Variants in GLI3 observed in about 807,000 individuals in gnomAD.
GLI3 encodes the protein GLI family zinc finger 3.
A neutral mutation model predicts 100.8 loss-of-function variants in GLI3; 20 were observed. The ratio of observed to expected loss-of-function variants is 0.20; its 90% confidence interval spans 0.14 to 0.29. The LOEUF is 0.29. Among genes scored for constraint, GLI3 ranks in the 10% least tolerant of loss-of-function variants. The pLI is 1.00. For synonymous variants in GLI3, 938 were observed against 860.5 expected (o/e 1.09, Z -1.58); for missense variants, 2,040 against 2,128.5 (o/e 0.96, Z 0.82).
At chr7:42,180,318 C>T (rs117758526) in intron 2 of GLI3, among the ~76,000 whole-genome samples, 4,965 of 152,276 alleles carry the variant, frequency 0.033, 110 homozygotes, top group Non-Finnish European at 0.049. Flanking sequence ...TTTTGTGGAA[C>T]AAGTGACTGG....
At chr7:42,116,686 G>C (rs1019148985) in intron 3 of GLI3, among the ~76,000 whole-genome samples, 1 of 152,032 alleles carries the variant, frequency 6.6e-6, no homozygotes, top group African/African-American at 2.4e-5. Context: ...AATCAAATTA[G>C]GTTTGCCTCA....
intron 3 of GLI3, among the ~76,000 whole-genome samples, chr7:42,138,058 C>A (rs1480536855): frequency 6.6e-6 from 1 of 152,168 alleles, no homozygotes; most frequent in Non-Finnish European, 1.5e-5. Context: ...TCTCTTCTGG[C>A]TGGTATGTCA....
At chr7:42,084,095 A>G (rs941218775) in intron 3 of GLI3, among the ~76,000 whole-genome samples, 5 of 152,196 alleles carry the variant, frequency 3.3e-5, no homozygotes, top group African/African-American at 9.7e-5. Context: ...CCACTACTCA[A>G]ATAACAAGCT....
rs531374234 is a variant in GLI3, at chr7:42,252,242, C to G, written c.-43+11752G>C. 2.6e-5 allele frequency among the ~76,000 whole-genome samples: 4 copies of G among 152,216 alleles called. No homozygotes were observed. In the East Asian group the frequency reaches 7.7e-4, roughly 29 times the overall value. On this transcript the variant is annotated intron_variant, in intron 1 of 2. Transcript: ENST00000678978. Reference sequence around the variant, plus strand: ...TATTCTTAGCAAACTAATGCAGGAACAGCAAACCAAATACCGTATGTTCTC... The same window carrying G: ...TATTCTTAGCAAACTAATGCAGGAAGAGCAAACCAAATACCGTATGTTCTC...
At position 41,972,337 on chromosome 7, in the gene GLI3, C is replaced by A; in HGVS notation, c.2103G>T (p.Met701Ile). 1 of 1,613,566 alleles carries A rather than the reference C, an allele frequency of 6.2e-7. No individual in the cohort carries two copies. Among genetic ancestry groups the A allele is most frequent in the South Asian group, 1.1e-5 (1 of 91,040 alleles). Residue 701 changes from methionine to isoleucine, a missense_variant and splice_region_variant, in exon 13 of 15, where the codon ATG (methionine) becomes ATT (isoleucine). By Grantham distance (10) the Met-to-Ile change is conservative (BLOSUM62 1). Transcript: ENST00000395925. This position sits in a 1 kb window ranked among gnomAD's most constrained non-coding sequence, Gnocchi z 4.4. ...GTCAGAAGGAGAGTGAATGACATACCATTGGCTTCTCTGCCTTGACGGTTT... is the reference window on the plus strand; with the variant it reads ...GTCAGAAGGAGAGTGAATGACATACAATTGGCTTCTCTGCCTTGACGGTTT... The part of the protein sequence containing the change: ...QVKTVKAEKP[M>I]TSQPSPGGQS...
In GLI3 at chr7:41,972,187, G is replaced by A. The variant is rs1178050966; in HGVS notation, c.2103+150C>T. The A allele has an allele frequency of 7.7e-6, 6 of 781,650 alleles. No individual in the cohort carries two copies. Among genetic ancestry groups the A allele is most frequent in the South Asian group, 2.8e-5 (2 of 70,374 alleles). The allele number at this position is 781,650 out of a possible 1,614,324, so 48.4% of individuals were successfully genotyped here. ...CTTTTTCTGAGCTGATCGACTTCAC[G>A]TAAGCAATACGGGTCACTGCCCTCA... On this transcript the variant is annotated intron_variant, in intron 13 of 14. Transcript: ENST00000395925. This position sits in a 1 kb window ranked among gnomAD's most constrained non-coding sequence, Gnocchi z 4.4.
chr7:42,252,285 A>T (rs1789040955), intron 1 of GLI3, among the ~76,000 whole-genome samples: 1 of 152,180 alleles, frequency 6.6e-6, no homozygotes, highest in Admixed American at 6.5e-5. Context: ...AGTGGGAGCT[A>T]AACAGTGAGA....
At chr7:42,021,254 TA>T (rs2128729749) in intron 10 of GLI3, among the ~76,000 whole-genome samples, 1 of 152,364 alleles carries the variant, frequency 6.6e-6, no homozygotes, top group African/African-American at 2.4e-5. Flanking sequence ...TATCTCAGAC[TA>T]AAATTAATAT....
intron 3 of GLI3, among the ~76,000 whole-genome samples, chr7:42,085,885 G>C (rs1359804387): frequency 6.6e-6 from 1 of 152,200 alleles, no homozygotes; most frequent in Non-Finnish European, 1.5e-5. Context: ...ATATTTGGAA[G>C]TCTCTGGAAG....
intron 4 of GLI3, among the ~76,000 whole-genome samples, chr7:42,069,159 G>C (rs928592117): frequency 2.0e-5 from 3 of 152,222 alleles, no homozygotes; most frequent in South Asian, 2.1e-4. Context: ...AAAGAACACA[G>C]GAATTTTATC....
At chr7:41,996,684 T>C (rs1399739303) in intron 10 of GLI3, among the ~76,000 whole-genome samples, 1 of 152,218 alleles carries the variant, frequency 6.6e-6, no homozygotes, top group African/African-American at 2.4e-5. Flanking sequence ...ACAATGCTTT[T>C]AATCGCTGAC....
At position 41,965,713 on chromosome 7, in the gene GLI3, G is replaced by A; in HGVS notation, c.3360C>T (p.Ser1120=). 1.2e-6 allele frequency: 2 copies of A among 1,613,752 alleles called. No individual in the cohort carries two copies. Among genetic ancestry groups the A allele is most frequent in the African/African-American group, 1.3e-5 (1 of 75,008 alleles). ...AGTCACCGGGCCCGTGGGGCACTTT[G>A]CTGTCGTCCGGGAGGGCGCTGGGGA... ...QHFPSALPDD[S]KVPHGPGDFD... The change falls in exon 15 of 15, where the codon AGC becomes AGT. Residue 1120 remains serine, a synonymous_variant. Transcript: ENST00000395925.
At chr7:42,002,745 G>T (rs1002253874) in intron 10 of GLI3, among the ~76,000 whole-genome samples, 1 of 152,184 alleles carries the variant, frequency 6.6e-6, no homozygotes, top group African/African-American at 2.4e-5. Context: ...GGGGCTATAA[G>T]AAATCATAGC....
Position 42,229,672 on chromosome 7 carries a change from C to T in GLI3, c.-42-6377G>A, listed in dbSNP as rs149098089. Among the ~76,000 whole-genome samples the T allele has an allele frequency of 8.1e-3, 1,238 of 152,256 alleles. 6 individuals are homozygous for T. The highest frequency in any genetic ancestry group is 0.012 in the Non-Finnish European group (814 of 68,012). ...AACTGCTACTTCAAGATGCTACTCC[C>T]GGATTAACCATCCAGGTAAAACTAC... On this transcript the variant is annotated intron_variant, in intron 1 of 14. Transcript: ENST00000395925.
At chr7:42,174,041 A>T (rs1562771686) in intron 2 of GLI3, among the ~76,000 whole-genome samples, 1 of 152,182 alleles carries the variant, frequency 6.6e-6, no homozygotes, top group Admixed American at 6.5e-5. Flanking sequence ...AGCTGGTGAT[A>T]TTTGATTTTC....
At position 42,148,414 on chromosome 7, in the gene GLI3, A is replaced by G. The variant is rs771410208; in HGVS notation, c.179T>C (p.Met60Thr). ...GAGCCCCTGGACATTCTGTGGCTGC[A>G]TAGTGATTGCGTTTCTTCTCTCTCT... ...YHRERRNAIT[M>T]QPQNVQGLSK... Residue 60 changes from methionine (M) to threonine (T), a missense_variant, in exon 3 of 15, where the codon ATG becomes ACG. Around this residue, in one of 5 missense-constraint regions of GLI3, gnomAD observed 603 missense variants for 690.9 expected, o/e 0.87. Transcript: ENST00000395925. The G allele has an allele frequency of 1.9e-6, 3 of 1,613,536 alleles. No individual in the cohort carries two copies. Among genetic ancestry groups the G allele is most frequent in the Non-Finnish European group, 2.5e-6 (3 of 1,179,564 alleles).
intron 12 of GLI3, among the ~76,000 whole-genome samples, chr7:41,975,401 G>C (rs1378993942): frequency 6.6e-6 from 1 of 152,144 alleles, no homozygotes; most frequent in Non-Finnish European, 1.5e-5. Flanking sequence ...GGATTTCCTG[G>C]ACAAACTTAG....
chr7:42,214,977 G>A (rs80090095), intron 2 of GLI3, among the ~76,000 whole-genome samples: 6,785 of 151,834 alleles, frequency 0.045, 194 homozygotes, highest in Non-Finnish European at 0.066. Flanking sequence ...TATTTAAATA[G>A]AAGAAAGAAA....
intron 1 of GLI3, among the ~76,000 whole-genome samples, chr7:42,261,840 G>A (rs1183210245): frequency 1.3e-5 from 2 of 148,372 alleles, no homozygotes; most frequent in African/African-American, 2.5e-5. Context: ...GCATCATAAG[G>A]AACAGTCTTT....
Sources: allele counts gnomAD v4.1 joint callset (sites outside exome capture counted in the v4.1 genomes callset), GRCh38; gene constraint gnomAD v4.1.1; regional missense constraint gnomAD v4.1.1; non-coding constraint Gnocchi (gnomAD v3.1); transcripts MANE v1.5; gene names NCBI Gene and HGNC (gene_info 2026-07-23, HGNC 2026-07-21).